PTPRK: variants seen among roughly 807,000 people sequenced by gnomAD.
PTPRK encodes protein tyrosine phosphatase receptor type K.
PTPRK carries 75 observed loss-of-function variants against 178.0 expected under a neutral mutation model. That is an observed-to-expected ratio of 0.42 (90% CI 0.35 to 0.51). PTPRK has a LOEUF of 0.51. Among genes scored for constraint, PTPRK ranks in the 20% least tolerant of loss-of-function variants. The pLI, the probability that PTPRK is intolerant of heterozygous loss-of-function variation, is 0.02. For synonymous variants in PTPRK, 637 were observed against 620.6 expected (o/e 1.03, Z -0.39); for missense variants, 1,441 against 1,797.8 (o/e 0.80, Z 3.59).
chr6:128,050,055 G>A (rs948254378), intron 13 of PTPRK, among the ~76,000 whole-genome samples: 3 of 152,096 alleles, frequency 2.0e-5, no homozygotes, highest in Non-Finnish European at 2.9e-5. Flanking sequence ...AGAATTGCTT[G>A]AACCCAGGAG....
intron 7 of PTPRK, among the ~76,000 whole-genome samples, chr6:128,181,970 T>C (rs1370803714): frequency 1.3e-5 from 2 of 152,150 alleles, no homozygotes; most frequent in Non-Finnish European, 2.9e-5. Flanking sequence ...GATGAAATAG[T>C]AACCATGGTT....
chr6:128,111,625 T>C (rs867871433), intron 7 of PTPRK, among the ~76,000 whole-genome samples: 9 of 150,878 alleles, frequency 6.0e-5, no homozygotes, highest in African/African-American at 2.2e-4. Flanking sequence ...TTCTAAGTTA[T>C]AGGAACACAC....
At chr6:128,174,013 G>A (rs1009167164) in intron 7 of PTPRK, among the ~76,000 whole-genome samples, 1 of 151,968 alleles carries the variant, frequency 6.6e-6, no homozygotes, top group Non-Finnish European at 1.5e-5. Context: ...ATAAAAAGAT[G>A]TAAAGGTAGA....
intron 3 of PTPRK, among the ~76,000 whole-genome samples, chr6:128,286,118 C>A (rs1312745858): frequency 1.3e-5 from 2 of 152,074 alleles, no homozygotes; most frequent in African/African-American, 4.8e-5. Flanking sequence ...CCACAGCAGC[C>A]AGTGGTGATC....
At chr6:128,200,891 AGGAGGGAGGGAG>A (rs1192559264) in intron 6 of PTPRK, among the ~76,000 whole-genome samples, 29 of 44,000 alleles carry the variant, frequency 6.6e-4, no homozygotes, top group East Asian at 1.1e-3. Flanking sequence ...AAGGGAGGGA[AGGAGGGAGGGAG>A]GGAGGGAGGG....
At chr6:127,982,712 G>T in intron 24 of PTPRK, 119 bp downstream of exon 24, 2 of 795,282 alleles carry the variant, frequency 2.5e-6, no homozygotes, top group East Asian at 2.5e-5. Context: ...GATACGTATT[G>T]TATTTAAAAC....
chr6:128,007,986 A>G, intron 14 of PTPRK: 1 of 1,120,966 alleles, frequency 8.9e-7, no homozygotes, highest in South Asian at 1.3e-5. Flanking sequence ...AGCAAGAGAA[A>G]GCACTATTTG....
At chr6:128,475,341 G>A (rs955724620) in intron 1 of PTPRK, among the ~76,000 whole-genome samples, 3 of 152,076 alleles carry the variant, frequency 2.0e-5, no homozygotes, top group African/African-American at 7.2e-5. Context: ...GGGAGGCAGT[G>A]AACATTTAAG....
chr6:128,462,183 G>A (rs1488085362), intron 1 of PTPRK, among the ~76,000 whole-genome samples: 3 of 151,858 alleles, frequency 2.0e-5, no homozygotes, highest in African/African-American at 7.3e-5. Flanking sequence ...TTGAGCAGAA[G>A]AGATTAGGCA....
intron 2 of PTPRK, among the ~76,000 whole-genome samples, chr6:128,349,956 A>G (rs892401212): frequency 1.3e-5 from 2 of 152,122 alleles, no homozygotes; most frequent in African/African-American, 4.8e-5. Flanking sequence ...TTCCCAGGCT[A>G]CAGGTATGAA....
intron 27 of PTPRK, 43 bp downstream of exon 27, chr6:127,976,614 T>C: frequency 3.1e-6 from 5 of 1,610,116 alleles, no homozygotes; most frequent in Non-Finnish European, 4.2e-6. Flanking sequence ...TGGTTATGAC[T>C]GACCTATTCT....
intron 2 of PTPRK, among the ~76,000 whole-genome samples, chr6:128,353,354 A>G (rs982060863): frequency 3.3e-5 from 5 of 152,222 alleles, no homozygotes; most frequent in African/African-American, 9.6e-5. Flanking sequence ...TAGCAATTGT[A>G]CTCTTGTGCA....
chr6:128,284,025 C>T (rs1358483513), intron 3 of PTPRK, among the ~76,000 whole-genome samples: 1 of 152,150 alleles, frequency 6.6e-6, no homozygotes, highest in Non-Finnish European at 1.5e-5. Flanking sequence ...CTGTTTCTCT[C>T]TCTCTTTTTC....
chr6:128,310,849 A>T (rs1827140120), intron 3 of PTPRK, among the ~76,000 whole-genome samples: 1 of 152,184 alleles, frequency 6.6e-6, no homozygotes. Flanking sequence ...CTTACTTGGC[A>T]TATTGGACAC....
intron 3 of PTPRK, among the ~76,000 whole-genome samples, chr6:128,318,974 A>G (rs1380277789): frequency 1.3e-5 from 2 of 152,194 alleles, no homozygotes; most frequent in Non-Finnish European, 2.9e-5. Context: ...TAATTTCTAT[A>G]ATTAGTATAG....
intron 3 of PTPRK, among the ~76,000 whole-genome samples, chr6:128,258,936 T>C (rs2128292657): frequency 6.6e-6 from 1 of 152,282 alleles, no homozygotes. Context: ...ATTTGGATTT[T>C]ATTGACTCCA....
At chr6:128,028,918 T>C (rs1258931426) in intron 13 of PTPRK, among the ~76,000 whole-genome samples, 1 of 152,190 alleles carries the variant, frequency 6.6e-6, no homozygotes, top group Non-Finnish European at 1.5e-5. Context: ...TGTTCCTAAA[T>C]CTTTAGTGAG....
At chr6:128,138,182 A>G (rs1301392579) in intron 7 of PTPRK, among the ~76,000 whole-genome samples, 2 of 152,170 alleles carry the variant, frequency 1.3e-5, no homozygotes, top group Non-Finnish European at 2.9e-5. Context: ...TTATGAAACA[A>G]AAGAGATACT....
chr6:128,171,829 C>T (rs995324849), intron 7 of PTPRK, among the ~76,000 whole-genome samples: 2 of 151,536 alleles, frequency 1.3e-5, no homozygotes, highest in East Asian at 1.9e-4. Flanking sequence ...TAACATTTAC[C>T]CCATTTTAAC....
Sources: allele counts gnomAD v4.1 joint callset (sites outside exome capture counted in the v4.1 genomes callset), GRCh38; gene constraint gnomAD v4.1.1; transcripts MANE v1.5; gene names NCBI Gene and HGNC (gene_info 2026-07-23, HGNC 2026-07-21).